Variants in NEK11 observed in about 807,000 individuals in gnomAD.
NEK11 encodes the protein NIMA related kinase 11, also known as serine/threonine-protein kinase Nek11.
A neutral mutation model predicts 80.7 loss-of-function variants in NEK11; 72 were observed. The observed-to-expected ratio is 0.89, with a 90% CI of 0.74 to 1.08. The LOEUF (loss-of-function observed/expected upper bound fraction) is 1.08. NEK11 is among the 50% of genes least tolerant of loss of function. The pLI is 0.00. For missense variants in NEK11, 764 were observed against 763.6 expected (o/e 1.00, Z -0.01); for synonymous variants, 251 against 260.7 (o/e 0.96, Z 0.36).
At chr3:131,330,481 CAGA>C (rs1312727609) in intron 17 of NEK11, 1 of 152,124 alleles carries the variant, frequency 6.6e-6, no homozygotes, top group Non-Finnish European at 1.5e-5. Flanking sequence ...GGATAGAGGA[CAGA>C]AGAAGTCTAG....
chr3:131,255,050 G>C lies in NEK11; in HGVS notation c.1621+11554G>C, dbSNP rs199991767. On this transcript the variant is annotated intron_variant, in intron 16 of 17. Transcript: ENST00000383366. ...AGAAAGAAAGAGAGAGAGAGAGAGA[G>C]AGACAGACAGACAGACAGACAGAAA... Among the ~76,000 whole-genome samples the C allele has an allele frequency of 4.9e-4, 65 of 132,712 alleles. No homozygotes were observed. In the East Asian group the frequency reaches 5.8e-3, roughly 12 times the overall value. 87.1% of individuals were successfully genotyped at this position (132,712 alleles called of 152,430 possible). A position where few individuals can be genotyped will look rare whatever the true frequency, so the allele number is the denominator to read the frequency against.
intron 16 of NEK11, 39 bp downstream of exon 16, chr3:131,243,535 C>T: frequency 8.0e-6 from 12 of 1,495,656 alleles, no homozygotes; most frequent in Non-Finnish European, 9.3e-6. Context: ...ACATTGACAG[C>T]TACTGATTAT....
intron 7 of NEK11, among the ~76,000 whole-genome samples, chr3:131,134,980 A>G (rs1418608081): frequency 6.6e-6 from 1 of 152,208 alleles, no homozygotes; most frequent in East Asian, 1.9e-4. Context: ...TTAAGTAAAT[A>G]ATTACTGTAT....
intron 3 of NEK11, among the ~76,000 whole-genome samples, chr3:131,041,257 A>G (rs774615816): frequency 1.3e-5 from 2 of 152,240 alleles, no homozygotes; most frequent in Non-Finnish European, 2.9e-5. Context: ...AGGAAGGATT[A>G]ATGACAGATG....
chr3:131,253,380 G>A (rs1202460659), intron 16 of NEK11, among the ~76,000 whole-genome samples: 1 of 152,014 alleles, frequency 6.6e-6, no homozygotes, highest in Non-Finnish European at 1.5e-5. Context: ...GGCAGAATTA[G>A]GAGAAAGAAA....
intron 5 of NEK11, among the ~76,000 whole-genome samples, chr3:131,122,799 T>A (rs2082617536): frequency 1.3e-5 from 2 of 152,268 alleles, no homozygotes; most frequent in African/African-American, 4.8e-5. Flanking sequence ...AGACTGTTCT[T>A]CATCCTAGCA....
At chr3:131,196,152 C>T (rs2150331437) in intron 14 of NEK11, among the ~76,000 whole-genome samples, 1 of 151,984 alleles carries the variant, frequency 6.6e-6, no homozygotes, top group East Asian at 1.9e-4. Flanking sequence ...TATTAGCAGT[C>T]CTTAAGATTT....
intron 17 of NEK11, among the ~76,000 whole-genome samples, chr3:131,336,383 C>A (rs530219293): frequency 4.6e-5 from 7 of 152,280 alleles, no homozygotes; most frequent in Admixed American, 1.3e-4. Flanking sequence ...TTCCCTATTT[C>A]ATAAATGGTG....
In NEK11 at chr3:131,133,430, A is replaced by G. The variant is rs146098778; in HGVS notation, c.521-400A>G. ...AATAGTCTCAGATCTTTTCTTTAAA[A>G]CGCTCCATTATTGTAAATTTAAGAA... On this transcript the variant is annotated intron_variant, in intron 6 of 17. Coordinates refer to ENST00000383366, the MANE Select transcript of NEK11 (RefSeq NM_024800.5). 5.9e-3 allele frequency: 1,961 copies of G among 332,778 alleles called. 43 individuals carry two copies. The highest frequency in any genetic ancestry group is 0.04 in the African/African-American group (1,795 of 45,358). The allele number at this position is 332,778 out of a possible 1,614,324, so 20.6% of individuals were successfully genotyped here. A position where few individuals can be genotyped will look rare whatever the true frequency, so the allele number is the denominator to read the frequency against.
intron 15 of NEK11, among the ~76,000 whole-genome samples, chr3:131,230,887 A>C (rs1233738199): frequency 5.3e-5 from 8 of 152,116 alleles, no homozygotes; most frequent in Non-Finnish European, 8.8e-5. Context: ...TGGTTTCCCC[A>C]GTACTGTTCT....
intron 4 of NEK11, among the ~76,000 whole-genome samples, chr3:131,084,533 C>T (rs1481371790): frequency 6.6e-6 from 1 of 152,168 alleles, no homozygotes; most frequent in African/African-American, 2.4e-5. Context: ...GAAGACAAGG[C>T]ATCTCCAGAA....
At chr3:131,106,176 C>A (rs750194199) in intron 4 of NEK11, among the ~76,000 whole-genome samples, 6 of 151,862 alleles carry the variant, frequency 4.0e-5, no homozygotes, top group Non-Finnish European at 7.4e-5. Flanking sequence ...TTTTATAATA[C>A]ATTTTTTTCA....
chr3:131,074,214 A>G (rs1352213225), intron 3 of NEK11, among the ~76,000 whole-genome samples: 1 of 152,094 alleles, frequency 6.6e-6, no homozygotes, highest in Admixed American at 6.6e-5. Context: ...AAATGAAGAG[A>G]GTCCTTCAGA....
In NEK11 at chr3:131,097,748, T is replaced by G. The variant is rs1337627549; in HGVS notation, c.337-12055T>G. Among the ~76,000 whole-genome samples the G allele has an allele frequency of 3.0e-3, 449 of 147,852 alleles. 2 individuals carry two copies. The highest frequency in any genetic ancestry group is 0.01 in the African/African-American group (408 of 40,774). The stretch of plus-strand genomic sequence containing the variant: ...CATACTGCCCAAGGTAATTTATAGA[T>G]TCAATGCCATCCCCATCAAGCTACC... On this transcript the variant is annotated intron_variant, in intron 4 of 17. Transcript: ENST00000383366.
At chr3:131,207,311 C>T (rs1363100679) in intron 14 of NEK11, among the ~76,000 whole-genome samples, 6 of 152,180 alleles carry the variant, frequency 3.9e-5, no homozygotes, top group Admixed American at 2.6e-4. Context: ...TGGCTGGGCA[C>T]GGTGGCCCAT....
intron 14 of NEK11, chr3:131,175,134 T>C (rs972975391): frequency 6.0e-6 from 6 of 1,006,706 alleles, no homozygotes; most frequent in Admixed American, 1.1e-4. Flanking sequence ...ACTTTGCTAA[T>C]TAAATATGTT....
At chr3:131,030,573 TAG>T (rs2064690172) in intron 3 of NEK11, among the ~76,000 whole-genome samples, 1 of 152,242 alleles carries the variant, frequency 6.6e-6, no homozygotes, top group African/African-American at 2.4e-5. Flanking sequence ...TTGAGATGAA[TAG>T]GGTATACCAA....
intron 3 of NEK11, among the ~76,000 whole-genome samples, chr3:131,054,053 T>C (rs2068902040): frequency 6.6e-6 from 1 of 152,214 alleles, no homozygotes; most frequent in Non-Finnish European, 1.5e-5. Context: ...AGAGCTCTTA[T>C]TAAGAGTCAA....
chr3:131,252,701 A>C (rs2095731758), intron 16 of NEK11, among the ~76,000 whole-genome samples: 1 of 152,144 alleles, frequency 6.6e-6, no homozygotes, highest in African/African-American at 2.4e-5. Context: ...TGAATTACCT[A>C]GAGGGCTTAA....
Sources: gnomAD v4.1 joint callset for allele counts (sites outside exome capture counted in the v4.1 genomes callset) on GRCh38, gnomAD v4.1.1 for gene constraint, MANE v1.5 for transcripts, NCBI Gene and HGNC (gene_info 2026-07-23, HGNC 2026-07-21) for gene names.